Variants in CAMK1D observed in about 807,000 individuals in gnomAD.
CAMK1D encodes the protein calcium/calmodulin-dependent protein kinase type 1D.
Under a neutral mutation model 47.7 loss-of-function variants are expected in CAMK1D, and 9 were observed. That is an observed-to-expected ratio of 0.19 (90% CI 0.11 to 0.33). CAMK1D has a LOEUF of 0.33. Among genes scored for constraint, CAMK1D ranks in the 10% least tolerant of loss-of-function variants. The pLI, the probability that CAMK1D is intolerant of heterozygous loss-of-function variation, is 1.00. For missense variants in CAMK1D, 291 were observed against 488.7 expected (o/e 0.60, Z 3.81); for synonymous variants, 184 against 184.9 (o/e 0.99, Z 0.04).
At chr10:12,601,923 C>T (rs574332366) in intron 2 of CAMK1D, among the ~76,000 whole-genome samples, 1 of 152,348 alleles carries the variant, frequency 6.6e-6, no homozygotes, top group South Asian at 2.1e-4. Flanking sequence ...TAGGAGGAAA[C>T]AGGAAGAAGC....
At chr10:12,454,163 TTTTG>T (rs1337944467) in intron 1 of CAMK1D, among the ~76,000 whole-genome samples, 21 of 152,314 alleles carry the variant, frequency 1.4e-4, no homozygotes, top group Admixed American at 6.5e-4. Flanking sequence ...AATTTAATTT[TTTTG>T]TTTGTTTGTT....
intron 3 of CAMK1D, among the ~76,000 whole-genome samples, chr10:12,754,658 G>A (rs2130886587): frequency 6.6e-6 from 1 of 152,316 alleles, no homozygotes; most frequent in Non-Finnish European, 1.5e-5. Context: ...GGCTGGAAGT[G>A]CAAGATCAGG....
intron 1 of CAMK1D, among the ~76,000 whole-genome samples, chr10:12,454,095 A>C (rs1395608482): frequency 6.6e-6 from 1 of 152,116 alleles, no homozygotes; most frequent in Non-Finnish European, 1.5e-5. Flanking sequence ...TCTTCATTTC[A>C]TTTATAAGGA....
intron 3 of CAMK1D, among the ~76,000 whole-genome samples, chr10:12,714,150 T>C (rs10906212): frequency 0.76 from 116,163 of 152,052 alleles, 44,795 homozygotes; most frequent in Middle Eastern, 0.88. Context: ...GCTGCTGACT[T>C]GGAAGGTGGT....
At chr10:12,643,218 G>A (rs577450678) in intron 2 of CAMK1D, among the ~76,000 whole-genome samples, 18 of 152,232 alleles carry the variant, frequency 1.2e-4, no homozygotes, top group African/African-American at 4.3e-4. Context: ...GGACAGGCTG[G>A]TCTCGAACTC....
chr10:12,689,795 G>T (rs1400876143), intron 3 of CAMK1D, among the ~76,000 whole-genome samples: 2 of 151,732 alleles, frequency 1.3e-5, no homozygotes, highest in East Asian at 1.9e-4. Context: ...AAAAGAAATG[G>T]TTTGAACTGA....
intron 3 of CAMK1D, among the ~76,000 whole-genome samples, chr10:12,690,578 C>T (rs889203673): frequency 6.6e-6 from 1 of 152,162 alleles, no homozygotes; most frequent in African/African-American, 2.4e-5. Context: ...TTTAGCCTCA[C>T]AGTGAGGTAG....
intron 5 of CAMK1D, among the ~76,000 whole-genome samples, chr10:12,772,248 C>G (rs1355429390): frequency 6.6e-6 from 1 of 152,170 alleles, no homozygotes; most frequent in Non-Finnish European, 1.5e-5. Flanking sequence ...GCCGTGAATA[C>G]ATGAGACGAG....
In CAMK1D at chr10:12,520,967, G is replaced by GGAGA. The variant is rs1252202795; in HGVS notation, c.93-32257_93-32256insAGAG. On this transcript the variant is annotated intron_variant, in intron 1 of 10. Coordinates refer to ENST00000619168, the MANE Select transcript of CAMK1D (RefSeq NM_153498.4). ...GAGGGAGGGGGAGGGGGAGGGGGAG[G>GGAGA]GGGAGAGCTTTATTCATTCTTAAGA... Among the ~76,000 whole-genome samples, 44 of 24,588 alleles carry GGAGA rather than the reference G, an allele frequency of 1.8e-3. 3 individuals are homozygous for GGAGA. The highest frequency in any genetic ancestry group is 6.8e-3 in the African/African-American group (41 of 6,006). The allele number at this position is 24,588 out of a possible 152,430, so 16.1% of individuals were successfully genotyped here. A position where few individuals can be genotyped will look rare whatever the true frequency, so the allele number is the denominator to read the frequency against.
At chr10:12,691,755 A>G (rs977458104) in intron 3 of CAMK1D, among the ~76,000 whole-genome samples, 5 of 151,972 alleles carry the variant, frequency 3.3e-5, no homozygotes, top group South Asian at 2.1e-4. Context: ...CTGCTCCTCT[A>G]TATTTTAATA....
At chr10:12,754,798 G>A (rs1836156749) in intron 3 of CAMK1D, among the ~76,000 whole-genome samples, 1 of 152,112 alleles carries the variant, frequency 6.6e-6, no homozygotes, top group Admixed American at 6.5e-5. Flanking sequence ...TCCTCTTTGT[G>A]TAAGGACACC....
intron 1 of CAMK1D, among the ~76,000 whole-genome samples, chr10:12,437,966 A>G (rs1244613370): frequency 6.6e-6 from 1 of 152,194 alleles, no homozygotes; most frequent in Non-Finnish European, 1.5e-5. Flanking sequence ...CTGGTCACAT[A>G]GGCACCTGCT....
chr10:12,520,061 G>A, intron 1 of CAMK1D, among the ~76,000 whole-genome samples: 1 of 83,646 alleles, frequency 1.2e-5, no homozygotes, highest in East Asian at 3.8e-4. Context: ...CTGGCCGGGT[G>A]GGGGGCTGAC....
Position 12,650,572 on chromosome 10 carries a change from C to T in CAMK1D, c.225-16164C>T, listed in dbSNP as rs553583046. On this transcript the variant is annotated intron_variant, in intron 2 of 10. Coordinates refer to ENST00000619168, the MANE Select transcript of CAMK1D (RefSeq NM_153498.4). Reference sequence around the variant, plus strand: ...TTTTATGTGAGGTGTCTGCACACAACGTGCCGCAATGCCGTTCCAGGGTCC... The same window carrying T: ...TTTTATGTGAGGTGTCTGCACACAATGTGCCGCAATGCCGTTCCAGGGTCC... 5.9e-5 allele frequency among the ~76,000 whole-genome samples: 9 copies of T among 152,250 alleles called. No homozygotes were observed. The South Asian group carries it at 1.2e-3, about 21-fold the overall frequency.
At chr10:12,787,983 A>T (rs1837807845) in intron 5 of CAMK1D, among the ~76,000 whole-genome samples, 2 of 152,144 alleles carry the variant, frequency 1.3e-5, no homozygotes, top group South Asian at 4.1e-4. Flanking sequence ...TCCAAAAAAA[A>T]AATTATGTTT....
At chr10:12,557,950 T>C (rs1462651753) in intron 2 of CAMK1D, among the ~76,000 whole-genome samples, 1 of 152,194 alleles carries the variant, frequency 6.6e-6, no homozygotes, top group Non-Finnish European at 1.5e-5. Flanking sequence ...CTCTGGAAAT[T>C]GTTTCAAAAT....
At chr10:12,749,233 A>G (rs1277701783) in intron 3 of CAMK1D, among the ~76,000 whole-genome samples, 1 of 152,138 alleles carries the variant, frequency 6.6e-6, no homozygotes. Flanking sequence ...AGTGGTATCT[A>G]TCCTTAGTAA....
At position 12,734,419 on chromosome 10, in the gene CAMK1D, C is replaced by CAT. The variant is rs1554818443; in HGVS notation, c.300-26528_300-26527dup. On this transcript the variant is annotated intron_variant, in intron 3 of 10. Transcript: ENST00000619168. ...ATATATATATATACACACACACACA[C>CAT]ATGTATATATATATACACACACACA... Among the ~76,000 whole-genome samples, 9 of 11,386 alleles carry CAT rather than the reference C, an allele frequency of 7.9e-4. 1 individual carries two copies. The highest frequency in any genetic ancestry group is 1.0e-3 in the African/African-American group (7 of 6,982). The allele number at this position is 11,386 out of a possible 152,430, so 7.5% of individuals were successfully genotyped here. A position where few individuals can be genotyped will look rare whatever the true frequency, so the allele number is the denominator to read the frequency against.
chr10:12,373,369 C>T (rs913132039), intron 1 of CAMK1D, among the ~76,000 whole-genome samples: 10 of 151,424 alleles, frequency 6.6e-5, no homozygotes, highest in African/African-American at 9.7e-5. Context: ...CTGTGGTGCA[C>T]GCCTGTAATC....
Sources: allele counts gnomAD v4.1 joint callset (sites outside exome capture counted in the v4.1 genomes callset), GRCh38; gene constraint gnomAD v4.1.1; transcripts MANE v1.5; gene names NCBI Gene and HGNC (gene_info 2026-07-23, HGNC 2026-07-21).